Variants in MCF2L2 observed in about 807,000 individuals in gnomAD.
The protein encoded by MCF2L2 is MCF.2 cell line derived transforming sequence-like 2.
In MCF2L2, 102 loss-of-function variants were observed where a neutral mutation model predicts 150.2. The observed-to-expected ratio is 0.68, with a 90% CI of 0.58 to 0.80. The LOEUF is 0.80. MCF2L2 is among the 30% of genes least tolerant of loss of function. The pLI is 0.00. For synonymous variants in MCF2L2, 465 were observed against 491.3 expected (o/e 0.95, Z 0.71); for missense variants, 1,256 against 1,372.8 (o/e 0.91, Z 1.34).
At chr3:183,245,618 A>G (rs1020270654) in intron 15 of MCF2L2, among the ~76,000 whole-genome samples, 4 of 152,098 alleles carry the variant, frequency 2.6e-5, no homozygotes, top group Non-Finnish European at 4.4e-5. Context: ...GCTCGGTCTC[A>G]ATACAGTCCT....
intron 15 of MCF2L2, among the ~76,000 whole-genome samples, chr3:183,241,387 G>C (rs1187115020): frequency 6.6e-6 from 1 of 152,158 alleles, no homozygotes; most frequent in East Asian, 1.9e-4. Flanking sequence ...ATCTCACCTT[G>C]AATTGTAATA....
rs1426296704 is a variant in MCF2L2 at position 183,179,276 on chromosome 3, T to C, written c.*104A>G. ...GTCCCCTTTCTGCCGCCGCCGAGGC[T>C]CCGGCTGCTTTCTGCGTAGCTGGGC... On this transcript the variant is annotated 3_prime_UTR_variant, in exon 30 of 30. Coordinates refer to ENST00000328913, the MANE Select transcript of MCF2L2 (RefSeq NM_015078.4). The surrounding 1 kb of genome is among the most constrained non-coding windows in gnomAD (Gnocchi z 4.2). 3.7e-6 allele frequency: 5 copies of C among 1,340,046 alleles called. No homozygotes were observed. The highest frequency in any genetic ancestry group is 1.5e-5 in the African/African-American group (1 of 64,636). 83.0% of individuals were successfully genotyped at this position (1,340,046 alleles called of 1,614,324 possible). A position where few individuals can be genotyped will look rare whatever the true frequency, so the allele number is the denominator to read the frequency against.
chr3:183,270,977 A>T lies in MCF2L2; in HGVS notation c.1862+5895T>A. The T allele has an allele frequency of 6.7e-7, 1 of 1,500,484 alleles. No individual in the cohort carries two copies. The highest frequency in any genetic ancestry group is 8.9e-7 in the Non-Finnish European group (1 of 1,121,686). The allele number at this position is 1,500,484 out of a possible 1,614,324, so 92.9% of individuals were successfully genotyped here. A position where few individuals can be genotyped will look rare whatever the true frequency, so the allele number is the denominator to read the frequency against. ...TATGTTTTCACTGTCACTGAGTCAAACCTGGATGAAAAAAACCTTTAAATG... is the reference window on the plus strand; with the variant it reads ...TATGTTTTCACTGTCACTGAGTCAATCCTGGATGAAAAAAACCTTTAAATG... On this transcript the variant is annotated intron_variant, in intron 15 of 29. Coordinates refer to ENST00000328913, the MANE Select transcript of MCF2L2 (RefSeq NM_015078.4). The surrounding 1 kb of genome is among the most constrained non-coding windows in gnomAD (Gnocchi z 4.5).
At chr3:183,251,139 C>T (rs1724502300) in intron 15 of MCF2L2, among the ~76,000 whole-genome samples, 2 of 152,182 alleles carry the variant, frequency 1.3e-5, no homozygotes, top group African/African-American at 2.4e-5. Context: ...ATACATGGCC[C>T]GTGATGTGTT....
chr3:183,184,078 C>T (rs921909112), intron 27 of MCF2L2, among the ~76,000 whole-genome samples: 3 of 152,160 alleles, frequency 2.0e-5, no homozygotes, highest in Non-Finnish European at 4.4e-5. Context: ...AGTGCAGTGG[C>T]GTGATCTTGG....
chr3:183,211,120 GA>G (rs1446613531), intron 22 of MCF2L2, among the ~76,000 whole-genome samples: 1 of 152,078 alleles, frequency 6.6e-6, no homozygotes, highest in Non-Finnish European at 1.5e-5. Context: ...TGACGGAAGG[GA>G]AAAAAACAGT....
intron 25 of MCF2L2, among the ~76,000 whole-genome samples, chr3:183,202,289 T>G (rs1722314300): frequency 6.6e-6 from 1 of 152,356 alleles, no homozygotes; most frequent in African/African-American, 2.4e-5. Context: ...GTTTAACTTC[T>G]TGGTTGCTCG....
rs201626502 is a variant in MCF2L2, at chr3:183,310,973, T to C, written c.935A>G (p.His312Arg). ...EKAFSHFWSE[H>R]HLKLNQCLQL... is the part of the protein sequence containing the mutation. ...TAGGCACTGGTTAAGCTTCAGATGA[T>C]GCTCAGACCAAAAGTGACTAAAGGC... The change falls in exon 9 of 30, where the codon CAT (histidine) becomes CGT (arginine). Residue 312 changes from histidine (H) to arginine (R), a missense_variant. Physicochemically the swap from His to Arg is conservative, Grantham distance 29 (BLOSUM62 0). Coordinates refer to ENST00000328913, the MANE Select transcript of MCF2L2 (RefSeq NM_015078.4). The C allele has an allele frequency of 1.2e-6, 2 of 1,614,120 alleles. No individual in the cohort carries two copies.
intron 6 of MCF2L2, 74 bp from the exon 7 acceptor site, chr3:183,318,291 C>T (rs3732594): frequency 3.3e-6 from 5 of 1,516,974 alleles, no homozygotes; most frequent in Non-Finnish European, 4.6e-6. Context: ...GGAAAGACAA[C>T]AGATTTAGTT....
intron 6 of MCF2L2, among the ~76,000 whole-genome samples, chr3:183,320,579 A>C (rs1291138763): frequency 6.6e-6 from 1 of 152,170 alleles, no homozygotes; most frequent in Non-Finnish European, 1.5e-5. Flanking sequence ...ATAAAGTTGA[A>C]GAGAACTAGG....
intron 1 of MCF2L2, among the ~76,000 whole-genome samples, chr3:183,404,178 T>A (rs1714917638): frequency 1.3e-5 from 2 of 152,170 alleles, no homozygotes; most frequent in Admixed American, 6.5e-5. Flanking sequence ...AAGCCAAATA[T>A]TAATAAAACA....
chr3:183,225,182 A>G (rs923106649), intron 18 of MCF2L2: 3 of 152,216 alleles, frequency 2.0e-5, no homozygotes, highest in Non-Finnish European at 2.9e-5. Context: ...GCTATAGTGG[A>G]TGACTTCCAT....
At position 183,305,813 on chromosome 3, in the gene MCF2L2, C is replaced by T. The variant is rs768165262; in HGVS notation, c.1113+3903G>A. 6.6e-6 allele frequency among the ~76,000 whole-genome samples: 1 copy of T among 152,174 alleles called. No homozygotes were observed. Among genetic ancestry groups the T allele is most frequent in the Non-Finnish European group, 1.5e-5 (1 of 68,032 alleles). On this transcript the variant is annotated intron_variant, in intron 10 of 29. Transcript: ENST00000328913. The surrounding 1 kb of genome is among the most constrained non-coding windows in gnomAD (Gnocchi z 4.1). Reference sequence around the variant, plus strand: ...GCAGTGAGCTGAGATTGTGCCACTGCACTCCAGCCTGGGCGGCAAGAGTGA... The same window carrying T: ...GCAGTGAGCTGAGATTGTGCCACTGTACTCCAGCCTGGGCGGCAAGAGTGA...
chr3:183,309,895 G>T, intron 9 of MCF2L2, 60 bp from the exon 10 acceptor site: 1 of 1,581,290 alleles, frequency 6.3e-7, no homozygotes, highest in Non-Finnish European at 8.6e-7. Flanking sequence ...TGAAGGTATA[G>T]GTTTGTTATG....
At chr3:183,245,323 A>G (rs1241615731) in intron 15 of MCF2L2, among the ~76,000 whole-genome samples, 2 of 152,200 alleles carry the variant, frequency 1.3e-5, no homozygotes, top group Admixed American at 1.3e-4. Flanking sequence ...TACAAGAGGT[A>G]CAGGGTTTAT....
chr3:183,391,919 G>A (rs958462545), intron 1 of MCF2L2, among the ~76,000 whole-genome samples: 2 of 151,920 alleles, frequency 1.3e-5, no homozygotes, highest in African/African-American at 2.4e-5. Context: ...ATAGGATCTT[G>A]CTCTGTCACA....
At chr3:183,268,581 A>G (rs1330303699) in intron 15 of MCF2L2, among the ~76,000 whole-genome samples, 1 of 152,188 alleles carries the variant, frequency 6.6e-6, no homozygotes, top group African/African-American at 2.4e-5. Flanking sequence ...AGAAACAGGA[A>G]CAGCAGGTTT....
intron 10 of MCF2L2, among the ~76,000 whole-genome samples, chr3:183,303,213 C>T (rs1381370017): frequency 1.4e-5 from 2 of 143,870 alleles, no homozygotes; most frequent in Non-Finnish European, 3.0e-5. Flanking sequence ...AAAAGAATTC[C>T]TCCCTCCTCC....
In MCF2L2 at chr3:183,181,354, GCCCC is replaced by G. The variant is rs1402659755; in HGVS notation, c.3017-1199_3017-1196del. Among the ~76,000 whole-genome samples, 3 of 152,094 alleles carry G rather than the reference GCCCC, an allele frequency of 2.0e-5. No individual in the cohort carries two copies. The highest frequency in any genetic ancestry group is 7.2e-5 in the African/African-American group (3 of 41,422). ...GCAGCTGGGCAGCACCTCCCTGGAG[GCCCC>G]TCTGAAATCCTGCCTGACTCTGGCA... On this transcript the variant is annotated intron_variant, in intron 27 of 29. Coordinates refer to ENST00000328913, the MANE Select transcript of MCF2L2 (RefSeq NM_015078.4). The surrounding 1 kb of genome is among the most constrained non-coding windows in gnomAD (Gnocchi z 4.3).
Sources: gnomAD v4.1 joint callset for allele counts (sites outside exome capture counted in the v4.1 genomes callset) on GRCh38, gnomAD v4.1.1 for gene constraint, Gnocchi (gnomAD v3.1) non-coding constraint, MANE v1.5 for transcripts, NCBI Gene and HGNC (gene_info 2026-07-23, HGNC 2026-07-21) for gene names.